The following CELF2 variants were observed in gnomAD, a reference collection of about 807,000 sequenced individuals.
CELF2 encodes the protein CUGBP Elav-like family member 2.
CELF2 carries 8 observed loss-of-function variants against 62.6 expected under a neutral mutation model. The observed-to-expected ratio is 0.13, with a 90% CI of 0.07 to 0.23. The LOEUF is 0.23. Among genes scored for constraint, CELF2 ranks in the 10% least tolerant of loss-of-function variants. CELF2 has a pLI of 1.00. For synonymous variants in CELF2, 258 were observed against 250.0 expected (o/e 1.03, Z -0.30); for missense variants, 333 against 671.0 (o/e 0.50, Z 5.56).
At chr10:10,978,042 T>TTG (rs1240125927) in intron 2 of CELF2, among the ~76,000 whole-genome samples, 3 of 136,698 alleles carry the variant, frequency 2.2e-5, no homozygotes, top group Non-Finnish European at 4.6e-5. Flanking sequence ...TTGTTTTTTG[T>TTG]TTTTTTTTTT....
Position 11,257,773 on chromosome 10 carries a change from T to C in CELF2, c.439T>C (p.Ser147Pro). ...EDRKLFIGMV[S>P]KKCNENDIRV... Reference sequence around the variant, plus strand: ...CAGAAAATTGTTCATAGGAATGGTATCGAAGAAATGTAATGAGAACGACAT... The same window carrying C: ...CAGAAAATTGTTCATAGGAATGGTACCGAAGAAATGTAATGAGAACGACAT... Residue 147 changes from serine (S) to proline (P), a missense_variant, in exon 5 of 13, where the codon TCG becomes CCG. By Grantham distance (74) the Ser-to-Pro change is moderately conservative. Transcript: ENST00000633077. 1.2e-6 allele frequency: 2 copies of C among 1,614,108 alleles called. No homozygotes were observed. The highest frequency in any genetic ancestry group is 1.7e-6 in the Non-Finnish European group (2 of 1,179,952).
chr10:10,747,411 C>G, the CELF2 span, among the ~76,000 whole-genome samples: 13 of 152,280 alleles, frequency 8.5e-5, no homozygotes, highest in African/African-American at 2.2e-4. Flanking sequence ...AAGAAACGCA[C>G]TTGCAAATTG....
At chr10:11,197,052 A>AGAAGGAAAGAAAG (rs1565233002) in intron 2 of CELF2, among the ~76,000 whole-genome samples, 1 of 31,620 alleles carries the variant, frequency 3.2e-5, no homozygotes, top group African/African-American at 1.3e-4. Flanking sequence ...AAAGAAAGAA[A>AGAAGGAAAGAAAG]GAAAGAAAAG....
the CELF2 span, among the ~76,000 whole-genome samples, chr10:10,618,937 G>C: frequency 1.3e-5 from 2 of 151,874 alleles, no homozygotes; most frequent in African/African-American, 2.4e-5. Flanking sequence ...GTTGAACCAG[G>C]TGTGCTGTTT....
At chr10:11,123,704 G>A (rs2058178499) in intron 1 of CELF2, among the ~76,000 whole-genome samples, 1 of 152,184 alleles carries the variant, frequency 6.6e-6, no homozygotes. Context: ...CCATCCTGCT[G>A]CGCAGTGGCC....
chr10:10,466,264 T>A, the CELF2 span, among the ~76,000 whole-genome samples: 50,610 of 151,934 alleles, frequency 0.33, 9,074 homozygotes, highest in Admixed American at 0.42. Context: ...ATTCTGTCAC[T>A]ATAGATTAAT....
chr10:10,845,937 T>A (rs2132637870), intron 1 of CELF2: 1 of 164,828 alleles, frequency 6.1e-6, no homozygotes, highest in East Asian at 1.9e-4. Flanking sequence ...ATTATGTAAC[T>A]ATTTGGTTCC....
chr10:11,090,754 A>C (rs1444519140), intron 1 of CELF2, among the ~76,000 whole-genome samples: 1 of 152,218 alleles, frequency 6.6e-6, no homozygotes, highest in African/African-American at 2.4e-5. Flanking sequence ...ATTCTCTAGC[A>C]CTGGGGTGGG....
chr10:10,985,267 C>T (rs1282329720), intron 2 of CELF2, among the ~76,000 whole-genome samples: 1 of 151,614 alleles, frequency 6.6e-6, no homozygotes, highest in African/African-American at 2.4e-5. Flanking sequence ...CTTAATACAC[C>T]CCCACATTAC....
intron 1 of CELF2, among the ~76,000 whole-genome samples, chr10:11,142,260 A>C (rs2061467226): frequency 6.6e-6 from 1 of 152,222 alleles, no homozygotes; most frequent in African/African-American, 2.4e-5. Context: ...AAGTGAATGA[A>C]GTGTCCAGAG....
chr10:11,080,235 A>G (rs1294316556), intron 1 of CELF2, among the ~76,000 whole-genome samples: 2 of 152,222 alleles, frequency 1.3e-5, no homozygotes, highest in Non-Finnish European at 2.9e-5. Context: ...AAAAGATCCA[A>G]GTAGAGACCC....
the CELF2 span, among the ~76,000 whole-genome samples, chr10:10,696,343 G>A: frequency 6.6e-6 from 1 of 151,784 alleles, no homozygotes. Context: ...ACCCACTTGA[G>A]GAGGCAGTCT....
the CELF2 span, among the ~76,000 whole-genome samples, chr10:10,495,294 C>T: frequency 6.6e-6 from 1 of 152,010 alleles, no homozygotes; most frequent in Non-Finnish European, 1.5e-5. Context: ...AAATTTACCT[C>T]TTTGTAAACA....
intron 2 of CELF2, among the ~76,000 whole-genome samples, chr10:10,968,286 T>G (rs2050366104): frequency 6.6e-6 from 1 of 152,168 alleles, no homozygotes. Context: ...GGCTTGTAAA[T>G]TTGGAGCACC....
rs2066918982 is a variant in CELF2, at chr10:11,165,794, A to T, written c.271+112A>T. On this transcript the variant is annotated intron_variant, in intron 2 of 12. Transcript: ENST00000633077. The surrounding 1 kb of genome is among the most constrained non-coding windows in gnomAD (Gnocchi z 7.4). ...AAGGGCGGGTAGGCAGGAGGGCTGG[A>T]AGCAGCCGGTGCTGGCGGCCCCTGT... The T allele has an allele frequency of 5.8e-6, 6 of 1,026,800 alleles. No individual in the cohort carries two copies. Among genetic ancestry groups the T allele is most frequent in the Non-Finnish European group, 6.9e-6 (5 of 724,372 alleles). The allele number at this position is 1,026,800 out of a possible 1,614,324, so 63.6% of individuals were successfully genotyped here.
rs1027189021 is a variant in CELF2, at chr10:11,010,601, C to A, written c.53+5161C>A. 6.6e-6 allele frequency among the ~76,000 whole-genome samples: 1 copy of A among 152,058 alleles called. No individual in the cohort carries two copies. Among genetic ancestry groups the A allele is most frequent in the Non-Finnish European group, 1.5e-5 (1 of 68,014 alleles). ...CATTTTAAAGATGAAAAACTGAGCC[C>A]GAGAGAGGTAAAGTCACAGGCCCAT... On this transcript the variant is annotated intron_variant, in intron 1 of 12. Coordinates refer to the CELF2 transcript ENST00000416382. This position sits in a 1 kb window ranked among gnomAD's most constrained non-coding sequence, Gnocchi z 4.1.
chr10:10,835,658 C>G (rs2058230301), intron 1 of CELF2, among the ~76,000 whole-genome samples: 1 of 152,166 alleles, frequency 6.6e-6, no homozygotes, highest in African/African-American at 2.4e-5. Context: ...GCTGGGATTA[C>G]AGGTGTGAGC....
At chr10:11,065,900 C>A (rs1422705732) in intron 1 of CELF2, among the ~76,000 whole-genome samples, 1 of 152,122 alleles carries the variant, frequency 6.6e-6, no homozygotes, top group East Asian at 1.9e-4. Flanking sequence ...CCGGAAGGAG[C>A]AATTGAAAGA....
At chr10:10,615,428 C>T in the CELF2 span, among the ~76,000 whole-genome samples, 1 of 152,140 alleles carries the variant, frequency 6.6e-6, no homozygotes, top group Non-Finnish European at 1.5e-5. Context: ...GAGCAAGTAT[C>T]CTCTTCGCAG....
Sources: gnomAD v4.1 joint callset for allele counts (sites outside exome capture counted in the v4.1 genomes callset) on GRCh38, gnomAD v4.1.1 for gene constraint, Gnocchi (gnomAD v3.1) non-coding constraint, MANE v1.5 for transcripts, NCBI Gene and HGNC (gene_info 2026-07-23, HGNC 2026-07-21) for gene names.